Variants in RBBP7 observed in about 807,000 individuals in gnomAD.
The protein encoded by RBBP7 is RB binding protein 7, chromatin remodeling factor, also known as histone-binding protein RBBP7.
Under a neutral mutation model 35.2 loss-of-function variants are expected in RBBP7, and 5 were observed. That is an observed-to-expected ratio of 0.14 (90% CI 0.07 to 0.30). The LOEUF (loss-of-function observed/expected upper bound fraction) is 0.30. Ranked by LOEUF, RBBP7 falls within the 10% of genes least tolerant of loss-of-function variation. The probability of loss-of-function intolerance (pLI) is 1.00; values close to 1 mark genes in which losing one functional copy is unlikely to be tolerated. For synonymous variants in RBBP7, 140 were observed against 118.7 expected (o/e 1.18, Z -1.17); for missense variants, 155 against 327.5 (o/e 0.47, Z 4.07).
chrX:16,866,238 A>T (rs973639972), intron 2 of RBBP7, among the ~76,000 whole-genome samples: 2 of 111,544 alleles, frequency 1.8e-5, no homozygotes, highest in Non-Finnish European at 3.8e-5. Flanking sequence ...GAGATACTTA[A>T]ATAAAACCTT....
At chrX:16,865,427 C>T (rs934632979) in intron 2 of RBBP7, among the ~76,000 whole-genome samples, 2 of 111,505 alleles carry the variant, frequency 1.8e-5, no homozygotes, top group African/African-American at 3.3e-5. Flanking sequence ...TATCACAGGC[C>T]CTTTCTAAGG....
At position 16,853,964 on chromosome X, in the gene RBBP7, C is replaced by T. The variant is rs1326981115; in HGVS notation, c.598-122G>A. 3 of 553,726 alleles carry T rather than the reference C, an allele frequency of 5.4e-6. No individual in the cohort carries two copies. In the East Asian group the frequency reaches 1.3e-4, roughly 25 times the overall value. 45.6% of individuals were successfully genotyped at this position (553,726 alleles called of 1,213,427 possible). ...CTGGTGCGATCTCGGCTCACTGCAG[C>T]CTCCGCCTCCAGGGCTCAAGCGATT... is the stretch of plus-strand genomic sequence containing the variant. On this transcript the variant is annotated intron_variant, in intron 5 of 11. Coordinates refer to ENST00000380087, the MANE Select transcript of RBBP7 (RefSeq NM_002893.4).
chrX:16,870,066 C>G lies in RBBP7; in HGVS notation c.-13G>C, dbSNP rs1388820339. 2.2e-5 allele frequency: 24 copies of G among 1,086,987 alleles called. No homozygotes were observed. The highest frequency in any genetic ancestry group is 2.9e-5 in the Non-Finnish European group (24 of 824,303). The allele number at this position is 1,086,987 out of a possible 1,213,427, so 89.6% of individuals were successfully genotyped here. On this transcript the variant is annotated 5_prime_UTR_variant, in exon 1 of 12. Transcript: ENST00000380087. ...CTTTACTCGCCATCTTGCGTCGGGT[C>G]GTTCGCCCCTCGCCGCCGCCTCGGA...
At chrX:16,855,084 C>T (rs2147519075) in intron 5 of RBBP7, among the ~76,000 whole-genome samples, 1 of 100,183 alleles carries the variant, frequency 1.0e-5, no homozygotes, top group African/African-American at 3.7e-5. Context: ...GAGTCTCACT[C>T]TCTTGCCTAG....
chrX:16,849,339 A>G, intron 9 of RBBP7, 38 bp from the exon 10 acceptor site: 5 of 1,133,821 alleles, frequency 4.4e-6, no homozygotes, highest in Non-Finnish European at 6.0e-6. Context: ...CATCAGTGAA[A>G]TTCTTGTAGC....
Position 16,852,842 on chromosome X carries a change from C to A in RBBP7, c.792G>T (p.Pro264=), listed in dbSNP as rs748450973. 4.1e-5 allele frequency: 50 copies of A among 1,210,116 alleles called. 1 individual carries two copies. In the Middle Eastern group the frequency reaches 2.5e-3, roughly 61 times the overall value. The change falls in exon 7 of 12, where the codon CCG becomes CCT. Residue 264 remains proline (P), a synonymous_variant. Coordinates refer to ENST00000380087, the MANE Select transcript of RBBP7 (RefSeq NM_002893.4). ...WDTRSNTTSK[P]SHLVDAHTAE... ...CAGTGTGCGCATCCACCAAGTGACT[C>A]GGCTTGGAGGTGGTATTGGACCTGG...
intron 2 of RBBP7, among the ~76,000 whole-genome samples, chrX:16,863,479 C>T (rs1930524345): frequency 8.9e-6 from 1 of 111,809 alleles, no homozygotes; most frequent in African/African-American, 3.3e-5. Context: ...CAACTTCCCA[C>T]CTAAAGAAAT....
chrX:16,851,403 G>C (rs756714264), intron 9 of RBBP7, among the ~76,000 whole-genome samples: 1 of 112,091 alleles, frequency 8.9e-6, no homozygotes, highest in Non-Finnish European at 1.9e-5. Flanking sequence ...TTACGGAGGA[G>C]TATGTAACTG....
chrX:16,857,612 T>G lies in RBBP7; in HGVS notation c.579A>C (p.Leu193=). Residue 193 remains leucine (L), a synonymous_variant, in exon 5 of 12, where the codon CTA becomes CTC. Transcript: ENST00000380087. Reference sequence around the variant, plus strand: ...TTCTCACATGGTCATCAGATGCACTTAGGAGATGTCCACTCAAATTTGAAT... The same window carrying G: ...TTCTCACATGGTCATCAGATGCACTGAGGAGATGTCCACTCAAATTTGAAT... ...SWNSNLSGHL[L]SASDDHTVCL... is the part of the protein sequence containing the mutation. 1 of 1,209,648 alleles carries G rather than the reference T, an allele frequency of 8.3e-7. No individual in the cohort carries two copies. The highest frequency in any genetic ancestry group is 1.1e-6 in the Non-Finnish European group (1 of 894,880).
chrX:16,853,501 G>A (rs1930263220), intron 6 of RBBP7, 181 bp downstream of exon 6: 3 of 366,913 alleles, frequency 8.2e-6, no homozygotes, highest in Non-Finnish European at 1.3e-5. Context: ...TCACACTCCT[G>A]GTCTCAAGCA....
chrX:16,845,463 T>C (rs928701489), intron 11 of RBBP7, among the ~76,000 whole-genome samples: 4 of 112,031 alleles, frequency 3.6e-5, no homozygotes, highest in Non-Finnish European at 7.5e-5. Flanking sequence ...CTCAGAGAAC[T>C]TGCTGTCATT....
At chrX:16,865,501 C>T (rs57654905) in intron 2 of RBBP7, among the ~76,000 whole-genome samples, 4,256 of 111,674 alleles carry the variant, frequency 0.038, 207 homozygotes, top group African/African-American at 0.13. Context: ...TTAATTATTC[C>T]AGTTTTCCCC....
At chrX:16,859,901 A>G (rs1170107211) in intron 3 of RBBP7, among the ~76,000 whole-genome samples, 5 of 111,377 alleles carry the variant, frequency 4.5e-5, no homozygotes, top group African/African-American at 9.8e-5. Flanking sequence ...CCATGTCTTA[A>G]TATCAGTATC....
chrX:16,856,199 A>G (rs190008107), intron 5 of RBBP7, among the ~76,000 whole-genome samples: 10 of 110,520 alleles, frequency 9.0e-5, no homozygotes, highest in Admixed American at 1.9e-4. Context: ...ACAAGAAAAG[A>G]TGCTCATCAT....
At chrX:16,848,044 G>A (rs1446033044) in intron 10 of RBBP7, 1 of 112,060 alleles carries the variant, frequency 8.9e-6, no homozygotes, top group African/African-American at 3.2e-5. Context: ...CTATGTGAAA[G>A]AATCAGTCCC....
intron 6 of RBBP7, 161 bp from the exon 7 acceptor site, chrX:16,853,036 T>C: frequency 1.2e-6 from 1 of 824,181 alleles, no homozygotes; most frequent in Non-Finnish European, 1.7e-6. Context: ...CACTAAATGA[T>C]ACATTCGAAA....
At chrX:16,849,830 G>A (rs1335334670) in intron 9 of RBBP7, among the ~76,000 whole-genome samples, 1 of 112,359 alleles carries the variant, frequency 8.9e-6, no homozygotes, top group Non-Finnish European at 1.9e-5. Flanking sequence ...CATCCCAGGA[G>A]TAAAATATAA....
chrX:16,866,199 A>G (rs987406115), intron 2 of RBBP7, among the ~76,000 whole-genome samples: 1 of 111,798 alleles, frequency 8.9e-6, no homozygotes, highest in Admixed American at 9.5e-5. Flanking sequence ...GAGATATGAA[A>G]TAACTATCTA....
intron 2 of RBBP7, 47 bp from the exon 3 acceptor site, chrX:16,863,147 C>T: frequency 8.9e-7 from 1 of 1,117,645 alleles, no homozygotes; most frequent in Non-Finnish European, 1.2e-6. Context: ...AAGAAATCTC[C>T]AATTGCTAAC....
Sources: gnomAD v4.1 joint callset for allele counts (sites outside exome capture counted in the v4.1 genomes callset) on GRCh38, gnomAD v4.1.1 for gene constraint, MANE v1.5 for transcripts, NCBI Gene and HGNC (gene_info 2026-07-23, HGNC 2026-07-21) for gene names.